DMD: variants seen among roughly 807,000 people sequenced by gnomAD.
DMD encodes the protein dystrophin, also known as mutant dystrophin.
Under a neutral mutation model 330.1 loss-of-function variants are expected in DMD, and 63 were observed. The observed-to-expected ratio is 0.19, with a 90% CI of 0.16 to 0.24. DMD has a LOEUF of 0.24. DMD is among the 10% of genes least tolerant of loss of function. DMD has a pLI of 1.00. For missense variants in DMD, 3,344 were observed against 2,684.1 expected (o/e 1.25, Z -5.43); for synonymous variants, 1,223 against 959.8 (o/e 1.27, Z -5.07).
chrX:31,721,134 C>T (rs997982869), intron 52 of DMD, among the ~76,000 whole-genome samples: 2 of 110,787 alleles, frequency 1.8e-5, no homozygotes, highest in Non-Finnish European at 3.8e-5. Context: ...TTTCCAGGTA[C>T]CTTATTAACT....
chrX:31,887,113 T>C (rs1012622968), intron 47 of DMD, among the ~76,000 whole-genome samples: 1 of 112,150 alleles, frequency 8.9e-6, no homozygotes, highest in Non-Finnish European at 1.9e-5. Context: ...TGTTAACCAC[T>C]GTACTATTTT....
chrX:32,487,030 C>A (rs2042549788), intron 20 of DMD, among the ~76,000 whole-genome samples: 1 of 110,920 alleles, frequency 9.0e-6, no homozygotes, highest in Admixed American at 9.6e-5. Context: ...AGCTTCTGCA[C>A]AGCAAAAGAA....
intron 1 of DMD, among the ~76,000 whole-genome samples, chrX:33,334,475 G>C (rs1254901627): frequency 4.5e-5 from 5 of 111,139 alleles, no homozygotes; most frequent in Non-Finnish European, 9.5e-5. Context: ...TTCCTGCTTT[G>C]TGGCCCACAT....
intron 44 of DMD, among the ~76,000 whole-genome samples, chrX:32,158,353 C>G (rs985289790): frequency 9.1e-6 from 1 of 110,370 alleles, no homozygotes; most frequent in Admixed American, 9.7e-5. Context: ...GGCAAAATAG[C>G]AAGACCCCAT....
chrX:31,383,083 G>A (rs1001124261), intron 60 of DMD, among the ~76,000 whole-genome samples: 1 of 110,440 alleles, frequency 9.1e-6, no homozygotes, highest in Non-Finnish European at 1.9e-5. Flanking sequence ...AAAATGGCCG[G>A]TCCTTGCCTT....
Position 31,649,212 on chromosome X carries a change from G to A in DMD, c.8027+8778C>T, listed in dbSNP as rs137897054. 5.8e-4 allele frequency among the ~76,000 whole-genome samples: 65 copies of A among 111,469 alleles called. No homozygotes were observed. The East Asian group carries it at 0.017, about 29-fold the overall frequency. ...TATTAGGAAACAATGGTAAGTTTTC[G>A]ATAATACTATTGTTTTTCCTGGGAA... is the stretch of plus-strand genomic sequence containing the variant. On this transcript the variant is annotated intron_variant, in intron 54 of 78. Coordinates refer to ENST00000357033, the MANE Select transcript of DMD (RefSeq NM_004006.3).
chrX:31,230,891 G>C (rs1196099901), intron 63 of DMD, among the ~76,000 whole-genome samples: 1 of 111,952 alleles, frequency 8.9e-6, no homozygotes, highest in Non-Finnish European at 1.9e-5. Context: ...AATAATGGCA[G>C]AGTTGAAATT....
At chrX:32,593,068 G>T (rs1321627357) in intron 13 of DMD, among the ~76,000 whole-genome samples, 1 of 112,711 alleles carries the variant, frequency 8.9e-6, no homozygotes, top group African/African-American at 3.2e-5. Flanking sequence ...CAGGCATGGG[G>T]ATCCGGGCCA....
chrX:31,960,342 A>G (rs2095291179), intron 45 of DMD, among the ~76,000 whole-genome samples: 1 of 111,229 alleles, frequency 9.0e-6, no homozygotes, highest in Non-Finnish European at 1.9e-5. Flanking sequence ...ACTAATATCC[A>G]TCAATAGGTT....
chrX:31,787,227 C>A (rs192186837), intron 50 of DMD, among the ~76,000 whole-genome samples: 1 of 110,664 alleles, frequency 9.0e-6, no homozygotes, highest in African/African-American at 3.3e-5. Flanking sequence ...CAAAATTAGC[C>A]AGGCGTGGTG....
chrX:31,804,588 C>T (rs1279240675), intron 50 of DMD, among the ~76,000 whole-genome samples: 1 of 111,962 alleles, frequency 8.9e-6, no homozygotes, highest in Non-Finnish European at 1.9e-5. Flanking sequence ...TTTGATTTCT[C>T]TAACATGTCT....
chrX:31,705,449 C>T (rs1366524949), intron 52 of DMD, among the ~76,000 whole-genome samples: 1 of 112,919 alleles, frequency 8.9e-6, no homozygotes, highest in East Asian at 2.8e-4. Context: ...CCCTGCCATA[C>T]TTTTCTCTCT....
intron 52 of DMD, among the ~76,000 whole-genome samples, chrX:31,707,925 A>C (rs2084324073): frequency 8.9e-6 from 1 of 112,119 alleles, no homozygotes; most frequent in Admixed American, 9.5e-5. Context: ...GTAGATGGTA[A>C]AAATAAAATA....
At chrX:32,494,205 G>GC (rs2043268005) in intron 19 of DMD, among the ~76,000 whole-genome samples, 1 of 111,064 alleles carries the variant, frequency 9.0e-6, no homozygotes, top group Admixed American at 9.7e-5. Context: ...TCTATGTTTT[G>GC]CCCCCCAAAA....
intron 7 of DMD, among the ~76,000 whole-genome samples, chrX:32,735,521 C>T (rs2068336038): frequency 9.0e-6 from 1 of 111,496 alleles, no homozygotes; most frequent in Non-Finnish European, 1.9e-5. Context: ...AACTATACTA[C>T]AAGGCTGCAG....
At chrX:31,865,626 T>C (rs1260832180) in intron 48 of DMD, among the ~76,000 whole-genome samples, 1 of 51,477 alleles carries the variant, frequency 1.9e-5, no homozygotes, top group Non-Finnish European at 3.7e-5. Flanking sequence ...GACTGATTAA[T>C]TGGGAATCCA....
Position 32,747,859 on chromosome X carries a change from A to G in DMD, c.650-48566T>C, listed in dbSNP as rs778872246. 3.6e-5 allele frequency among the ~76,000 whole-genome samples: 4 copies of G among 111,609 alleles called. No individual in the cohort carries two copies. The East Asian group carries it at 1.1e-3, about 32-fold the overall frequency. ...AGAGCAAAGCACAGCCACAGAAAAA[A>G]TTAGAAAAGTTGACTATTCATGTGA... On this transcript the variant is annotated intron_variant, in intron 7 of 78. Coordinates refer to ENST00000357033, the MANE Select transcript of DMD (RefSeq NM_004006.3).
chrX:32,519,306 A>G (rs1369333862), intron 17 of DMD, among the ~76,000 whole-genome samples: 3 of 108,674 alleles, frequency 2.8e-5, no homozygotes, highest in Admixed American at 9.9e-5. Context: ...GAAACAGAAG[A>G]CAATGTTCAT....
At chrX:32,244,302 C>A (rs1471378461) in intron 43 of DMD, among the ~76,000 whole-genome samples, 71 of 101,943 alleles carry the variant, frequency 7.0e-4, no homozygotes, top group Admixed American at 1.2e-3. Context: ...ATCATTTTTT[C>A]TGGCTGCATA....
Sources: allele counts gnomAD v4.1 joint callset (sites outside exome capture counted in the v4.1 genomes callset), GRCh38; gene constraint gnomAD v4.1.1; transcripts MANE v1.5; gene names NCBI Gene and HGNC (gene_info 2026-07-23, HGNC 2026-07-21).